GRB14: variants seen among roughly 807,000 people sequenced by gnomAD.
The protein encoded by GRB14 is growth factor receptor-bound protein 14.
A neutral mutation model predicts 69.1 loss-of-function variants in GRB14; 38 were observed. The observed-to-expected ratio is 0.55, with a 90% CI of 0.42 to 0.72. The LOEUF (loss-of-function observed/expected upper bound fraction) is 0.72. Among genes scored for constraint, GRB14 ranks in the 30% least tolerant of loss-of-function variants. The probability of loss-of-function intolerance (pLI) is 0.00; values close to 1 mark genes in which losing one functional copy is unlikely to be tolerated. For missense variants in GRB14, 666 were observed against 666.1 expected, an observed-to-expected ratio of 1.00 and a Z score of 0.00; for synonymous variants, 247 against 241.3, an observed-to-expected ratio of 1.02 and a Z score of -0.22.
At chr2:164,516,250 G>A (rs1687482996) in intron 6 of GRB14, among the ~76,000 whole-genome samples, 1 of 151,978 alleles carries the variant, frequency 6.6e-6, no homozygotes, top group South Asian at 2.1e-4. Flanking sequence ...TCATCACCTA[G>A]GGAAATAGTC....
chr2:164,574,958 T>C (rs751897840), intron 2 of GRB14, among the ~76,000 whole-genome samples: 1 of 149,732 alleles, frequency 6.7e-6, no homozygotes, highest in Non-Finnish European at 1.5e-5. Flanking sequence ...AAAAACTCAG[T>C]GAAAGTCACA....
chr2:164,528,014 G>A (rs868559529), intron 3 of GRB14, among the ~76,000 whole-genome samples: 4 of 151,996 alleles, frequency 2.6e-5, no homozygotes, highest in African/African-American at 9.7e-5. Context: ...ACCCACAACA[G>A]TATGGATAAA....
intron 13 of GRB14, 88 bp downstream of exon 13, chr2:164,494,341 CAA>C (rs2105252630): frequency 2.8e-6 from 2 of 711,268 alleles, no homozygotes; most frequent in Admixed American, 2.5e-5. Flanking sequence ...AAAAGAAAAC[CAA>C]AGTTTCCAAA....
intron 2 of GRB14, among the ~76,000 whole-genome samples, chr2:164,579,680 C>T (rs547587514): frequency 5.3e-5 from 8 of 151,676 alleles, no homozygotes; most frequent in African/African-American, 1.5e-4. Flanking sequence ...GGCCTAATCC[C>T]GGAATAGATT....
chr2:164,579,691 T>A lies in GRB14; in HGVS notation c.325-31875A>T, dbSNP rs186352586. The stretch of plus-strand genomic sequence containing the variant: ...CAGTGGCCTAATCCCGGAATAGATT[T>A]TTTTTTTCCTCAACCATGTTAGATA... On this transcript the variant is annotated intron_variant, in intron 2 of 13. Transcript: ENST00000263915. Among the ~76,000 whole-genome samples the A allele has an allele frequency of 2.3e-3, 344 of 152,248 alleles. 8 individuals are homozygous for A. The highest frequency in any genetic ancestry group is 6.8e-3 in the African/African-American group (283 of 41,548).
chr2:164,579,687 G>T (rs1241816999), intron 2 of GRB14, among the ~76,000 whole-genome samples: 1 of 151,300 alleles, frequency 6.6e-6, no homozygotes, highest in Non-Finnish European at 1.5e-5. Flanking sequence ...TCCCGGAATA[G>T]ATTTTTTTTT....
intron 2 of GRB14, among the ~76,000 whole-genome samples, chr2:164,559,538 A>G (rs1688768463): frequency 6.6e-6 from 1 of 152,100 alleles, no homozygotes; most frequent in Admixed American, 6.6e-5. Flanking sequence ...AGAACATATG[A>G]TGTTTGATTT....
At chr2:164,540,507 G>T (rs2105303308) in intron 3 of GRB14, among the ~76,000 whole-genome samples, 1 of 152,276 alleles carries the variant, frequency 6.6e-6, no homozygotes, top group African/African-American at 2.4e-5. Flanking sequence ...TACTTGGGAG[G>T]CTGAAGCAGG....
intron 6 of GRB14, among the ~76,000 whole-genome samples, chr2:164,510,633 G>A (rs1023490135): frequency 7.2e-5 from 11 of 152,034 alleles, no homozygotes; most frequent in African/African-American, 2.4e-4. Flanking sequence ...CCTCCCCCAA[G>A]CAGGAACACC....
At chr2:164,575,733 G>A (rs1053243037) in intron 2 of GRB14, among the ~76,000 whole-genome samples, 1 of 152,010 alleles carries the variant, frequency 6.6e-6, no homozygotes, top group Non-Finnish European at 1.5e-5. Context: ...CATTTTTAAG[G>A]AAATAAGAGG....
intron 13 of GRB14, among the ~76,000 whole-genome samples, chr2:164,493,458 C>T (rs186343857): frequency 6.6e-6 from 1 of 152,106 alleles, no homozygotes; most frequent in Admixed American, 6.6e-5. Context: ...TATTTTGAAT[C>T]AATGAAAGAA....
Position 164,571,494 on chromosome 2 carries a change from C to T in GRB14, c.325-23678G>A, listed in dbSNP as rs143277045. Among the ~76,000 whole-genome samples the T allele has an allele frequency of 3.7e-3, 562 of 152,232 alleles. 5 individuals carry two copies. The highest frequency in any genetic ancestry group is 0.012 in the African/African-American group (518 of 41,550). ...TAAAATATTACAGAATAGCAGTGTA[C>T]ATTATTTAGAATTTTATTTGATAAT... On this transcript the variant is annotated intron_variant, in intron 2 of 13. Transcript: ENST00000263915.
chr2:164,568,354 G>A (rs1169892825), intron 2 of GRB14: 2 of 1,288,406 alleles, frequency 1.6e-6, no homozygotes, highest in South Asian at 1.2e-5. Flanking sequence ...CAGGCAGAGT[G>A]ACTCTTCTTG....
At chr2:164,573,616 T>C (rs1689170564) in intron 2 of GRB14, 1 of 1,349,904 alleles carries the variant, frequency 7.4e-7, no homozygotes, top group Non-Finnish European at 1.0e-6. Context: ...TTTTATTATT[T>C]CATCTTTCTT....
rs566958888 is a variant in GRB14, at chr2:164,566,968, C to T, written c.325-19152G>A. On this transcript the variant is annotated intron_variant, in intron 2 of 13. Transcript: ENST00000263915. Reference sequence around the variant, plus strand: ...ATACCAACATGTCATCAAAAACAAACCATATGATAGAAGTTTCTTAGTCAA... The same window carrying T: ...ATACCAACATGTCATCAAAAACAAATCATATGATAGAAGTTTCTTAGTCAA... Among the ~76,000 whole-genome samples, 6 of 152,058 alleles carry T rather than the reference C, an allele frequency of 3.9e-5. No individual in the cohort carries two copies. In the South Asian group the frequency reaches 1.2e-3, roughly 32 times the overall value.
intron 6 of GRB14, among the ~76,000 whole-genome samples, chr2:164,512,546 G>T (rs1687367354): frequency 6.6e-6 from 1 of 152,224 alleles, no homozygotes; most frequent in South Asian, 2.1e-4. Context: ...GGAACTTGCT[G>T]CCCTGAGGGA....
At chr2:164,523,052 CAGAG>C (rs1471216700) in intron 5 of GRB14, among the ~76,000 whole-genome samples, 2 of 151,956 alleles carry the variant, frequency 1.3e-5, no homozygotes, top group Non-Finnish European at 2.9e-5. Flanking sequence ...ATGAGACAGA[CAGAG>C]AGAGACAGTA....
intron 2 of GRB14, among the ~76,000 whole-genome samples, chr2:164,570,275 TAAAAAAAAAA>T (rs35918859): frequency 3.5e-5 from 2 of 57,208 alleles, no homozygotes. Context: ...AGACTCCATC[TAAAAAAAAAA>T]AAAAAAAAAA....
chr2:164,582,671 G>A (rs966168411), intron 2 of GRB14, among the ~76,000 whole-genome samples: 5 of 151,900 alleles, frequency 3.3e-5, no homozygotes, highest in Admixed American at 6.6e-5. Flanking sequence ...CACTCGCCTC[G>A]GCCTCCCAAA....
Sources: gnomAD v4.1 joint callset for allele counts (sites outside exome capture counted in the v4.1 genomes callset) on GRCh38, gnomAD v4.1.1 for gene constraint, MANE v1.5 for transcripts, NCBI Gene and HGNC (gene_info 2026-07-23, HGNC 2026-07-21) for gene names.